The following SLC25A45 variants were observed in gnomAD, a reference collection of about 807,000 sequenced individuals.
SLC25A45 encodes the protein methylated amino-acid transporter SLC25A45.
A neutral mutation model predicts 23.0 loss-of-function variants in SLC25A45; 22 were observed. The ratio of observed to expected loss-of-function variants is 0.95; its 90% CI spans 0.68 to 1.36. The LOEUF (loss-of-function observed/expected upper bound fraction) is 1.36, where lower values mean the gene tolerates loss of function less well. Among genes scored for constraint, SLC25A45 ranks in the 40% most tolerant of loss-of-function variants. SLC25A45 has a pLI of 0.00. For missense variants in SLC25A45, 355 were observed against 383.5 expected, an observed-to-expected ratio of 0.93 and a Z score of 0.62; for synonymous variants, 136 against 155.0, an observed-to-expected ratio of 0.88 and a Z score of 0.91.
In SLC25A45 at chr11:65,376,854, G is replaced by A. The variant is rs1167168000; in HGVS notation, c.562C>T (p.Leu188Phe). Residue 188 changes from leucine to phenylalanine, a missense_variant, in exon 6 of 7, where the codon CTC becomes TTC. Coordinates refer to ENST00000398802, the MANE Select transcript of SLC25A45 (RefSeq NM_182556.4). ...VGIYFITYEG[L>F]CRQYTPEGQN... ...CCTTCTGGTGTGTACTGGCGACAGA[G>A]CCCTTCATAGGTGATGAAGTAGATC... The A allele has an allele frequency of 1.9e-6, 3 of 1,614,216 alleles. No homozygotes were observed. The highest frequency in any genetic ancestry group is 2.2e-5 in the East Asian group (1 of 44,888).
Position 65,377,052 on chromosome 11 carries a change from G to A in SLC25A45, c.364C>T (p.Leu122Phe). The change falls in exon 6 of 7, where the codon CTC becomes TTC. Residue 122 changes from leucine (L) to phenylalanine (F), a missense_variant. Transcript: ENST00000398802. ...LQAYCLAPFD[L>F]IKVRLQNQTE... ...TGGTTTTGTAGCCGGACTTTGATGA[G>A]GTCAAAAGGAGCCAGACAGTAGGCC... The A allele has an allele frequency of 1.9e-6, 3 of 1,613,998 alleles. No homozygotes were observed. Among genetic ancestry groups the A allele is most frequent in the Non-Finnish European group, 2.5e-6 (3 of 1,179,930 alleles).
intron 2 of SLC25A45, chr11:65,380,387 G>T: frequency 1.1e-6 from 1 of 918,444 alleles, no homozygotes; most frequent in Non-Finnish European, 1.6e-6. Context: ...ACTGGGACAA[G>T]GGACTAAGAC....
chr11:65,379,212 T>A, intron 5 of SLC25A45, 164 bp downstream of exon 5: 3 of 750,272 alleles, frequency 4.0e-6, no homozygotes, highest in Non-Finnish European at 6.3e-6. Context: ...CCCACAGCCC[T>A]CCCCCAGAGG....
At position 65,380,167 on chromosome 11, in the gene SLC25A45, C is replaced by T. The variant is rs1454607933; in HGVS notation, c.46G>A (p.Gly16Ser). Reference protein sequence around the residue: ...FVAGWISGALGLVLGHPFDTV... With the variant: ...FVAGWISGALSLVLGHPFDTV... ...TCAAACGGGTGTCCCAGGACCAAGC[C>T]CAGAGCGCCTGTGGTGACAAGAGGG... Residue 16 changes from glycine to serine, a missense_variant, in exon 3 of 7, where the codon GGC (glycine) becomes AGC (serine). Transcript: ENST00000398802. 4 of 1,614,168 alleles carry T rather than the reference C, an allele frequency of 2.5e-6. No homozygotes were observed. The highest frequency in any genetic ancestry group is 3.4e-6 in the Non-Finnish European group (4 of 1,180,020).
chr11:65,380,696 G>A, intron 2 of SLC25A45: 1 of 917,498 alleles, frequency 1.1e-6, no homozygotes, highest in Non-Finnish European at 1.5e-6. Context: ...CCTGCCCACT[G>A]CCTAGCCCTG....
chr11:65,380,575 C>T (rs777338286), intron 2 of SLC25A45: 17 of 1,302,284 alleles, frequency 1.3e-5, no homozygotes, highest in Middle Eastern at 2.1e-4. Context: ...CTCATAATGT[C>T]GTCGCCGGGA....
rs777475478 is a variant in SLC25A45 at position 65,381,893 on chromosome 11, A to G, written c.37+22T>C. The G allele has an allele frequency of 3.1e-6, 5 of 1,613,962 alleles. No individual in the cohort carries two copies. The East Asian group carries it at 1.1e-4, about 36-fold the overall frequency. ...GACCTACCATTGGGTGTGATGTGAC[A>G]GAAGGAAGAAAAATGTCTCACCAGA... On this transcript the variant is annotated intron_variant, in intron 2 of 6. Coordinates refer to ENST00000398802, the MANE Select transcript of SLC25A45 (RefSeq NM_182556.4).
intron 4 of SLC25A45, 35 bp downstream of exon 4, chr11:65,379,831 GA>G: frequency 4.3e-6 from 7 of 1,611,286 alleles, no homozygotes; most frequent in Non-Finnish European, 5.9e-6. Context: ...ATGCCTCCCC[GA>G]AAGGGGAAGG....
In SLC25A45 at chr11:65,376,929, G is replaced by T; in HGVS notation, c.487C>A (p.Leu163Met). 1 of 1,613,424 alleles carries T rather than the reference G, an allele frequency of 6.2e-7. No homozygotes were observed. Among genetic ancestry groups the T allele is most frequent in the Non-Finnish European group, 8.5e-7 (1 of 1,179,670 alleles). Residue 163 changes from leucine (L) to methionine (M), a missense_variant, in exon 6 of 7, where the codon CTG becomes ATG. Physicochemically the swap from Leu to Met is conservative, Grantham distance 15 (BLOSUM62 2). Coordinates refer to ENST00000398802, the MANE Select transcript of SLC25A45 (RefSeq NM_182556.4). ...GTCAGGGCCCAGGCTCCTCGGAACA[G>T]CCCCCGGGGCCCCTCCTCCCGGAAG... ...SIFREEGPRG[L>M]FRGAWALTLR...
rs1204301207 is a variant in SLC25A45 at position 65,376,533 on chromosome 11, C to G, written c.741G>C (p.Val247=). The change falls in exon 7 of 7, where the codon GTG becomes GTC. Residue 247 remains valine, a synonymous_variant. Coordinates refer to ENST00000398802, the MANE Select transcript of SLC25A45 (RefSeq NM_182556.4). Reference sequence around the variant, plus strand: ...CCAGTCCTTCCTGCCGGATGCTGCTCACCATGCAGTCCAGCATCCCCTGGT... The same window carrying G: ...CCAGTCCTTCCTGCCGGATGCTGCTGACCATGCAGTCCAGCATCCCCTGGT... ...RVYQGMLDCM[V]SSIRQEGLGV... The G allele has an allele frequency of 6.2e-7, 1 of 1,614,220 alleles. No homozygotes were observed. The highest frequency in any genetic ancestry group is 1.1e-5 in the South Asian group (1 of 91,092).
chr11:65,377,233 A>C, intron 5 of SLC25A45, 157 bp from the exon 6 acceptor site: 1 of 1,433,842 alleles, frequency 7.0e-7, no homozygotes, highest in Non-Finnish European at 9.1e-7. Context: ...TGTGGCTGGG[A>C]TGGCCAGGAT....
chr11:65,381,139 T>C (rs1855531852), intron 2 of SLC25A45: 1 of 152,900 alleles, frequency 6.5e-6, no homozygotes, highest in South Asian at 2.0e-4. Flanking sequence ...ACCCAGACTT[T>C]TTTTTTTTGA....
At chr11:65,380,391 C>T (rs573864) in intron 2 of SLC25A45, 1 of 912,648 alleles carries the variant, frequency 1.1e-6, no homozygotes, top group Non-Finnish European at 1.6e-6. Context: ...GGACAAGGGA[C>T]TAAGACCCCA....
Position 65,376,329 on chromosome 11 carries a change from C to T in SLC25A45, c.*78G>A. On this transcript the variant is annotated 3_prime_UTR_variant, in exon 7 of 7. Transcript: ENST00000398802. The stretch of plus-strand genomic sequence containing the variant: ...TGAGCCTCTTGCACTGATTTGCAAG[C>T]TTTCAACCTGGCCTCCAATCTCAAA... The T allele has an allele frequency of 6.5e-7, 1 of 1,533,980 alleles. No individual in the cohort carries two copies. Among genetic ancestry groups the T allele is most frequent in the East Asian group, 2.3e-5 (1 of 42,966 alleles).
At chr11:65,380,334 TGCCCCTGCCACCCCCTCCA>T in intron 2 of SLC25A45, 159 bp from the exon 3 acceptor site, 3 of 1,092,982 alleles carry the variant, frequency 2.7e-6, no homozygotes, top group South Asian at 3.0e-5. Flanking sequence ...AGACTCCAGC[TGCCCCTGCCACCCCCTCCA>T]CACAGGCACT....
chr11:65,379,002 GCT>G (rs911387874), intron 5 of SLC25A45: 3 of 261,100 alleles, frequency 1.1e-5, no homozygotes, highest in African/African-American at 7.0e-5. Flanking sequence ...GAGGGGCTGG[GCT>G]CACAGCTCTG....
At chr11:65,381,730 A>AT (rs1253406617) in intron 2 of SLC25A45, 185 bp downstream of exon 2, 2 of 665,422 alleles carry the variant, frequency 3.0e-6, no homozygotes, top group East Asian at 2.8e-5. Flanking sequence ...AATTATTTTG[A>AT]TTTTTTTGTA....
At chr11:65,380,253 G>A (rs1855478439) in intron 2 of SLC25A45, 78 bp from the exon 3 acceptor site, 1 of 1,607,500 alleles carries the variant, frequency 6.2e-7, no homozygotes, top group Non-Finnish European at 8.5e-7. Flanking sequence ...AGAGGAAAGA[G>A]GGGTTCAGGC....
chr11:65,376,125 C>A lies in SLC25A45; in HGVS notation c.*282G>T. 2.0e-6 allele frequency: 1 copy of A among 510,764 alleles called. No individual in the cohort carries two copies. Among genetic ancestry groups the A allele is most frequent in the East Asian group, 3.3e-5 (1 of 29,914 alleles). The allele number at this position is 510,764 out of a possible 1,614,324, so 31.6% of individuals were successfully genotyped here. On this transcript the variant is annotated 3_prime_UTR_variant, in exon 7 of 7. Coordinates refer to ENST00000398802, the MANE Select transcript of SLC25A45 (RefSeq NM_182556.4). ...AGGCACAGGACAGGAGCTGGGATGT[C>A]ACCAGCACCACTTGCCAGCTCACTT...
Sources: allele counts gnomAD v4.1 joint callset, GRCh38; gene constraint gnomAD v4.1.1; transcripts MANE v1.5; gene names NCBI Gene and HGNC (gene_info 2026-07-23, HGNC 2026-07-21).